The following PCDHGA8 variants were observed in gnomAD, a reference collection of about 807,000 sequenced individuals.
The protein encoded by PCDHGA8 is protocadherin gamma-A8.
A neutral mutation model predicts 59.2 loss-of-function variants in PCDHGA8; 45 were observed. The ratio of observed to expected loss-of-function variants is 0.76; its 90% CI spans 0.60 to 0.98. The LOEUF is 0.98. PCDHGA8 is among the 50% of genes least tolerant of loss of function. The probability of loss-of-function intolerance (pLI) is 0.00; values close to 1 mark genes in which losing one functional copy is unlikely to be tolerated. For synonymous variants in PCDHGA8, 531 were observed against 519.0 expected (o/e 1.02, Z -0.32); for missense variants, 1,257 against 1,196.2 (o/e 1.05, Z -0.75).
At chr5:141,494,752 T>G (rs889400984) in intron 1 of PCDHGA8, 55 bp from the exon 2 acceptor site, 6 of 1,612,324 alleles carry the variant, frequency 3.7e-6, no homozygotes, top group East Asian at 2.2e-5. Flanking sequence ...GGGGCTCGGG[T>G]GACATTCTAA....
rs376996144 is a variant in PCDHGA8, at chr5:141,491,534, G to C, written c.2425-3273G>C. 3.7e-6 allele frequency: 6 copies of C among 1,613,912 alleles called. No homozygotes were observed. The highest frequency in any genetic ancestry group is 1.3e-5 in the African/African-American group (1 of 74,928). ...CTCAAGTACATGGAGGTGACGCTGC[G>C]GCCCACAGACTCGCAGAGCCACTGC... On this transcript the variant is annotated intron_variant, in intron 1 of 3. Coordinates refer to ENST00000398604, the MANE Select transcript of PCDHGA8 (RefSeq NM_032088.2). This position sits in a 1 kb window ranked among gnomAD's most constrained non-coding sequence, Gnocchi z 6.9.
chr5:141,401,446 A>G (rs1200787289), intron 1 of PCDHGA8, among the ~76,000 whole-genome samples: 1 of 152,244 alleles, frequency 6.6e-6, no homozygotes, highest in Non-Finnish European at 1.5e-5. Context: ...GAAGGTCCAA[A>G]TCATCCAAAT....
chr5:141,392,937 G>A lies in PCDHGA8; in HGVS notation c.124G>A (p.Gly42Ser). The A allele has an allele frequency of 6.2e-7, 1 of 1,613,948 alleles. No homozygotes were observed. Among genetic ancestry groups the A allele is most frequent in the Admixed American group, 1.7e-5 (1 of 60,030 alleles). ...RYSVPEETDK[G>S]SFVGNISKDL... ...CTCTGTGCCAGAAGAGACGGACAAA[G>A]GCTCCTTCGTGGGTAATATCTCCAA... The change falls in exon 1 of 4, where the codon GGC (glycine) becomes AGC (serine). Residue 42 changes from glycine to serine, a missense_variant. Coordinates refer to ENST00000398604, the MANE Select transcript of PCDHGA8 (RefSeq NM_032088.2).
At position 141,431,696 on chromosome 5, in the gene PCDHGA8, G is replaced by T; in HGVS notation, c.2424+36459G>T. ...AGGGGAGTTGGACCACGAGGAGTCA[G>T]GATTCTACCAGATGGAAGTGCAAGC... On this transcript the variant is annotated intron_variant, in intron 1 of 3. Transcript: ENST00000398604. The surrounding 1 kb of genome is among the most constrained non-coding windows in gnomAD (Gnocchi z 4.8). 6.2e-7 allele frequency: 1 copy of T among 1,614,238 alleles called. No individual in the cohort carries two copies. Among genetic ancestry groups the T allele is most frequent in the Non-Finnish European group, 8.5e-7 (1 of 1,180,038 alleles).
At chr5:141,457,280 A>G (rs964027392) in intron 1 of PCDHGA8, among the ~76,000 whole-genome samples, 2 of 152,196 alleles carry the variant, frequency 1.3e-5, no homozygotes, top group Admixed American at 1.3e-4. Context: ...TGGGCCTACG[A>G]AGTTCCTTGG....
chr5:141,486,091 G>T lies in PCDHGA8; in HGVS notation c.2425-8716G>T. ...CTACTGGAAAGCTTACTCTTTTGGG[G>T]CCCCTAGACTTTGAGAGTGAGAATT... On this transcript the variant is annotated intron_variant, in intron 1 of 3. Coordinates refer to ENST00000398604, the MANE Select transcript of PCDHGA8 (RefSeq NM_032088.2). This position sits in a 1 kb window ranked among gnomAD's most constrained non-coding sequence, Gnocchi z 5.0. 1 of 1,614,158 alleles carries T rather than the reference G, an allele frequency of 6.2e-7. No homozygotes were observed. Among genetic ancestry groups the T allele is most frequent in the South Asian group, 1.1e-5 (1 of 91,078 alleles).
chr5:141,395,655 A>G (rs1302159911), intron 1 of PCDHGA8: 1 of 164,294 alleles, frequency 6.1e-6, no homozygotes, highest in East Asian at 1.8e-4. Context: ...GCTTAGCAAA[A>G]GTAAAATATA....
At chr5:141,415,083 G>T (rs747351388) in intron 1 of PCDHGA8, 1 of 1,613,514 alleles carries the variant, frequency 6.2e-7, no homozygotes. Context: ...CGCGAGCCCT[G>T]CTGGACAGAG....
At chr5:141,461,821 T>A (rs569091880) in intron 1 of PCDHGA8, among the ~76,000 whole-genome samples, 1 of 151,286 alleles carries the variant, frequency 6.6e-6, no homozygotes, top group South Asian at 2.1e-4. Context: ...ACCCAGCTAA[T>A]TTTTTTTTCT....
rs1226947734 is a variant in PCDHGA8, at chr5:141,393,874, G to T, written c.1061G>T (p.Ser354Ile). 1.2e-6 allele frequency: 2 copies of T among 1,613,826 alleles called. No individual in the cohort carries two copies. Among genetic ancestry groups the T allele is most frequent in the Non-Finnish European group, 1.7e-6 (2 of 1,179,880 alleles). ...GAAGTGATCATTACGTCTTTGTTTAGCCCAGTGTTAGAAAATTCTCTTCCC... is the reference window on the plus strand; with the variant it reads ...GAAGTGATCATTACGTCTTTGTTTATCCCAGTGTTAGAAAATTCTCTTCCC... ...RPEVIITSLF[S>I]PVLENSLPGT... Residue 354 changes from serine to isoleucine, a missense_variant, in exon 1 of 4, where the codon AGC becomes ATC. Physicochemically the swap from Ser to Ile is moderately radical, Grantham distance 142 (BLOSUM62 -2). Coordinates refer to ENST00000398604, the MANE Select transcript of PCDHGA8 (RefSeq NM_032088.2).
chr5:141,481,934 AAT>A (rs1245984926), intron 1 of PCDHGA8, among the ~76,000 whole-genome samples: 5 of 147,494 alleles, frequency 3.4e-5, no homozygotes, highest in Admixed American at 3.4e-4. Flanking sequence ...AAAAAAAAAA[AAT>A]CAGCCAGATG....
chr5:141,409,171 C>G, intron 1 of PCDHGA8: 1 of 1,613,962 alleles, frequency 6.2e-7, no homozygotes, highest in South Asian at 1.1e-5. Flanking sequence ...AAGCGAAGGA[C>G]GGAGGTGGTC....
chr5:141,494,790 C>A lies in PCDHGA8; in HGVS notation c.2425-17C>A, dbSNP rs909145. 17 of 1,614,014 alleles carry A rather than the reference C, an allele frequency of 1.1e-5. 1 individual carries two copies. The South Asian group carries it at 1.9e-4, about 18-fold the overall frequency. ...TCTCACGGGTACTCAGCCCCTTTCC[C>A]TCTGTTTTCTCCACAGCAAGCCCCG... On this transcript the variant is annotated splice_polypyrimidine_tract_variant and intron_variant, in intron 1 of 3. Transcript: ENST00000398604.
At chr5:141,461,251 A>G (rs925406409) in intron 1 of PCDHGA8, among the ~76,000 whole-genome samples, 1 of 152,156 alleles carries the variant, frequency 6.6e-6, no homozygotes, top group Non-Finnish European at 1.5e-5. Flanking sequence ...TTATATTCCC[A>G]GCAGCAATGT....
chr5:141,413,725 C>A, intron 1 of PCDHGA8: 1 of 1,613,546 alleles, frequency 6.2e-7, no homozygotes, highest in Non-Finnish European at 8.5e-7. Flanking sequence ...GCACTTCTCC[C>A]TAAGAGTTCA....
chr5:141,439,459 A>T (rs558086952), intron 1 of PCDHGA8, among the ~76,000 whole-genome samples: 1 of 152,340 alleles, frequency 6.6e-6, no homozygotes, highest in African/African-American at 2.4e-5. Flanking sequence ...GCAAGACTGC[A>T]CTGCTGCCTT....
chr5:141,486,644 T>G lies in PCDHGA8; in HGVS notation c.2425-8163T>G, dbSNP rs765487821. ...AGACTCTGGCTTGAATGCGCTTATC[T>G]CCTACTCACTCCTGGAGCCCAGGAA... On this transcript the variant is annotated intron_variant, in intron 1 of 3. Transcript: ENST00000398604. This position sits in a 1 kb window ranked among gnomAD's most constrained non-coding sequence, Gnocchi z 5.0. 9.3e-6 allele frequency: 15 copies of G among 1,613,722 alleles called. 2 individuals carry two copies. The Middle Eastern group carries it at 6.6e-4, about 71-fold the overall frequency.
intron 1 of PCDHGA8, among the ~76,000 whole-genome samples, chr5:141,466,246 A>G (rs1357175003): frequency 6.6e-6 from 1 of 152,100 alleles, no homozygotes; most frequent in Non-Finnish European, 1.5e-5. Flanking sequence ...TCATGGCTCA[A>G]TGCAGCCTTG....
chr5:141,414,152 A>T, intron 1 of PCDHGA8: 1 of 1,600,994 alleles, frequency 6.2e-7, no homozygotes, highest in Non-Finnish European at 8.5e-7. Flanking sequence ...ATACAAGCAG[A>T]AGATGGAGGA....
Sources: allele counts gnomAD v4.1 joint callset (sites outside exome capture counted in the v4.1 genomes callset), GRCh38; gene constraint gnomAD v4.1.1; non-coding constraint Gnocchi (gnomAD v3.1); transcripts MANE v1.5; gene names NCBI Gene and HGNC (gene_info 2026-07-23, HGNC 2026-07-21).